The following DPF3 variants were observed in gnomAD, a reference collection of about 807,000 sequenced individuals.
DPF3 encodes zinc finger protein DPF3.
DPF3 carries 18 observed loss-of-function variants against 56.8 expected under a neutral mutation model. That is an observed-to-expected ratio of 0.32 (90% CI 0.22 to 0.47). The LOEUF is 0.47. Among genes scored for constraint, DPF3 ranks in the 20% least tolerant of loss-of-function variants. The pLI, the probability that DPF3 is intolerant of heterozygous loss-of-function variation, is 1.00. For synonymous variants in DPF3, 188 were observed against 180.2 expected (o/e 1.04, Z -0.35); for missense variants, 403 against 488.8 (o/e 0.82, Z 1.65).
Position 72,731,792 on chromosome 14 carries a change from C to A in DPF3, c.429+15G>T. On this transcript the variant is annotated intron_variant, in intron 4 of 10. Transcript: ENST00000556509. ...CAGGAACACTCTGTGGGGTCCCCAG[C>A]AGGTGTGGGAATACCTGTATTTCCT... The A allele has an allele frequency of 6.2e-7, 1 of 1,613,012 alleles. No homozygotes were observed. The highest frequency in any genetic ancestry group is 8.5e-7 in the Non-Finnish European group (1 of 1,179,496).
At chr14:72,878,594 ATC>A (rs1886206383) in intron 1 of DPF3, among the ~76,000 whole-genome samples, 5 of 151,934 alleles carry the variant, frequency 3.3e-5, no homozygotes, top group African/African-American at 1.2e-4. Flanking sequence ...AGAAAAAAGA[ATC>A]CTCCAGTATA....
chr14:72,867,669 A>G (rs1885729365), intron 1 of DPF3, among the ~76,000 whole-genome samples: 1 of 152,292 alleles, frequency 6.6e-6, no homozygotes, highest in Middle Eastern at 3.4e-3. Flanking sequence ...TGGGGGATGG[A>G]TACTTGGGGG....
At chr14:72,804,006 C>A (rs1892989099) in intron 1 of DPF3, among the ~76,000 whole-genome samples, 1 of 152,146 alleles carries the variant, frequency 6.6e-6, no homozygotes, top group African/African-American at 2.4e-5. Context: ...ATGGTTGAAG[C>A]CACCATGCCC....
intron 8 of DPF3, among the ~76,000 whole-genome samples, chr14:72,666,273 T>C (rs1026421026): frequency 1.3e-5 from 2 of 152,244 alleles, no homozygotes; most frequent in South Asian, 2.1e-4. Context: ...AGAAAGTTCA[T>C]GAGGACTTAG....
At chr14:72,707,987 A>G (rs1410781292) in intron 6 of DPF3, among the ~76,000 whole-genome samples, 3 of 152,168 alleles carry the variant, frequency 2.0e-5, no homozygotes. Context: ...AAGCACCTCT[A>G]CAATGGTTAA....
At chr14:72,667,382 T>A (rs1886484183) in intron 8 of DPF3, among the ~76,000 whole-genome samples, 1 of 152,180 alleles carries the variant, frequency 6.6e-6, no homozygotes, top group Non-Finnish European at 1.5e-5. Flanking sequence ...ATTAAAATGT[T>A]GTAACAAATT....
chr14:72,862,138 T>C (rs138628217), intron 1 of DPF3, among the ~76,000 whole-genome samples: 182 of 152,302 alleles, frequency 1.2e-3, no homozygotes, highest in Middle Eastern at 3.4e-3. Flanking sequence ...CCTGAGTTAG[T>C]TCCCTGTGCC....
At chr14:72,830,121 C>T (rs552843597) in intron 1 of DPF3, among the ~76,000 whole-genome samples, 2 of 152,270 alleles carry the variant, frequency 1.3e-5, no homozygotes, top group East Asian at 1.9e-4. Context: ...TGTTTTAACA[C>T]CATTGTTTCT....
chr14:72,703,167 C>A (rs763815374), intron 6 of DPF3, among the ~76,000 whole-genome samples: 2 of 152,180 alleles, frequency 1.3e-5, no homozygotes, highest in African/African-American at 4.8e-5. Context: ...CACCTCCCCC[C>A]ACCCCACCCT....
chr14:72,723,427 C>T (rs997011284), intron 5 of DPF3, among the ~76,000 whole-genome samples: 8 of 152,202 alleles, frequency 5.3e-5, no homozygotes, highest in African/African-American at 1.9e-4. Context: ...AGGGTACCCC[C>T]TCTGCCTCCT....
At chr14:72,704,793 C>A (rs1888335762) in intron 6 of DPF3, among the ~76,000 whole-genome samples, 1 of 152,178 alleles carries the variant, frequency 6.6e-6, no homozygotes, top group South Asian at 2.1e-4. Flanking sequence ...TCCTCTCCTG[C>A]TCTCCACATC....
At chr14:72,749,249 T>C (rs1567220391) in intron 3 of DPF3, among the ~76,000 whole-genome samples, 1 of 152,258 alleles carries the variant, frequency 6.6e-6, no homozygotes, top group Non-Finnish European at 1.5e-5. Context: ...GAGATCATTT[T>C]GGAGTTTTAA....
intron 8 of DPF3, chr14:72,671,028 G>C (rs1886649521): frequency 6.7e-6 from 10 of 1,495,392 alleles, no homozygotes; most frequent in Non-Finnish European, 8.9e-6. Flanking sequence ...CAAGGATAGA[G>C]GGAAAATCTA....
chr14:72,758,225 G>A (rs1213724251), intron 2 of DPF3, among the ~76,000 whole-genome samples: 2 of 152,064 alleles, frequency 1.3e-5, no homozygotes, highest in East Asian at 1.9e-4. Flanking sequence ...AAAACCAAAA[G>A]AGAGGAAGAA....
intron 1 of DPF3, among the ~76,000 whole-genome samples, chr14:72,832,446 T>C (rs1884099748): frequency 6.6e-6 from 1 of 152,154 alleles, no homozygotes; most frequent in African/African-American, 2.4e-5. Context: ...AGATCGCCAG[T>C]ATTCATAGCA....
chr14:72,705,840 G>C (rs1201219144), intron 6 of DPF3, among the ~76,000 whole-genome samples: 2 of 152,188 alleles, frequency 1.3e-5, no homozygotes, highest in African/African-American at 4.8e-5. Flanking sequence ...ACACAATGTG[G>C]GAGGCAGCCT....
At chr14:72,771,320 C>T (rs1891520401) in intron 2 of DPF3, among the ~76,000 whole-genome samples, 1 of 152,116 alleles carries the variant, frequency 6.6e-6, no homozygotes, top group Non-Finnish European at 1.5e-5. Context: ...TCACATTTTA[C>T]AGATGAGGAA....
intron 7 of DPF3, among the ~76,000 whole-genome samples, chr14:72,678,173 C>T (rs979793761): frequency 2.0e-5 from 3 of 152,186 alleles, no homozygotes; most frequent in Admixed American, 6.5e-5. Context: ...TCTTCGAAGG[C>T]AGGTTTCACC....
At chr14:72,666,751 T>A (rs2526911) in intron 8 of DPF3, among the ~76,000 whole-genome samples, 28,973 of 152,042 alleles carry the variant, frequency 0.19, 5,812 homozygotes, top group African/African-American at 0.5. Flanking sequence ...GAACTTGTCA[T>A]CTCCACTCTA....
Sources: allele counts gnomAD v4.1 joint callset (sites outside exome capture counted in the v4.1 genomes callset), GRCh38; gene constraint gnomAD v4.1.1; transcripts MANE v1.5; gene names NCBI Gene and HGNC (gene_info 2026-07-23, HGNC 2026-07-21).